The following USH2A variants were observed in gnomAD, a reference collection of about 807,000 sequenced individuals.
USH2A encodes usherin, also known as Usher syndrome 2A (autosomal recessive, mild).
In USH2A, 443 loss-of-function variants were observed where a neutral mutation model predicts 538.9. The observed-to-expected ratio is 0.82, with a 90% CI of 0.76 to 0.89. USH2A has a LOEUF of 0.89. Ranked by LOEUF, USH2A falls within the 40% of genes least tolerant of loss-of-function variation. The pLI is 0.00. For missense variants in USH2A, 6,633 were observed against 6,324.8 expected (o/e 1.05, Z -1.65); for synonymous variants, 2,413 against 2,273.5 (o/e 1.06, Z -1.75).
intron 61 of USH2A, among the ~76,000 whole-genome samples, chr1:215,720,327 G>A (rs1363002361): frequency 6.6e-6 from 1 of 152,194 alleles, no homozygotes; most frequent in Non-Finnish European, 1.5e-5. Context: ...TGGGAGTGTT[G>A]CCAGAAAAGT....
chr1:215,691,093 A>G (rs778595264), intron 61 of USH2A, among the ~76,000 whole-genome samples: 7 of 152,166 alleles, frequency 4.6e-5, no homozygotes, highest in Non-Finnish European at 1.0e-4. Flanking sequence ...CATATTGGCC[A>G]GGCTGGTCTC....
intron 4 of USH2A, among the ~76,000 whole-genome samples, chr1:216,339,559 G>A (rs913914665): frequency 1.3e-5 from 2 of 151,304 alleles, no homozygotes; most frequent in African/African-American, 2.4e-5. Context: ...CTATTACCTG[G>A]AAAAATCACT....
In USH2A at chr1:216,325,415, CAAAAG is replaced by C; in HGVS notation, c.1028_1032del (p.Ser343CysfsTer3). On this transcript the variant is annotated frameshift_variant, in exon 6 of 72. Coordinates refer to ENST00000307340, the MANE Select transcript of USH2A (RefSeq NM_206933.4). LOFTEE classifies it high-confidence loss of function. ...GAAGTACCAACATCATTATCATTGA[CAAAAG>C]AGAGAGGATGGGCTTCAGGATTCAA... is the stretch of plus-strand genomic sequence containing the variant. 6.2e-7 allele frequency: 1 copy of C among 1,613,860 alleles called. No individual in the cohort carries two copies. Among genetic ancestry groups the C allele is most frequent in the Non-Finnish European group, 8.5e-7 (1 of 1,179,898 alleles).
intron 13 of USH2A, among the ~76,000 whole-genome samples, chr1:216,242,134 G>A (rs929260122): frequency 1.3e-5 from 2 of 150,940 alleles, no homozygotes; most frequent in Admixed American, 6.6e-5. Flanking sequence ...GGCAGATCAC[G>A]AAGTCAGGAG....
At chr1:215,953,130 C>T (rs1666965992) in intron 37 of USH2A, among the ~76,000 whole-genome samples, 1 of 152,032 alleles carries the variant, frequency 6.6e-6, no homozygotes, top group African/African-American at 2.4e-5. Flanking sequence ...GTGAAAATGG[C>T]CATACTGCCC....
At chr1:216,164,648 A>G (rs527996762) in intron 21 of USH2A, among the ~76,000 whole-genome samples, 10 of 152,168 alleles carry the variant, frequency 6.6e-5, no homozygotes, top group Non-Finnish European at 1.2e-4. Context: ...GAAGAAAGGT[A>G]ACAATGACAA....
intron 22 of USH2A, among the ~76,000 whole-genome samples, chr1:216,091,304 AT>A (rs1328324788): frequency 2.0e-5 from 3 of 152,176 alleles, no homozygotes; most frequent in South Asian, 4.1e-4. Flanking sequence ...TATGATGTGA[AT>A]TTCCTGTTAA....
intron 11 of USH2A, among the ~76,000 whole-genome samples, chr1:216,267,517 G>A (rs941124936): frequency 1.3e-5 from 2 of 152,098 alleles, no homozygotes; most frequent in African/African-American, 4.8e-5. Flanking sequence ...AAGATGAAAT[G>A]AATGCTAGAG....
chr1:215,674,011 TAG>T (rs951103953), intron 63 of USH2A, 87 bp downstream of exon 63: 1 of 1,611,214 alleles, frequency 6.2e-7, no homozygotes, highest in Non-Finnish European at 8.5e-7. Context: ...ATCCCATTTT[TAG>T]AGTCTTCATT....
At chr1:216,386,866 A>G (rs958358098) in intron 3 of USH2A, among the ~76,000 whole-genome samples, 1 of 152,224 alleles carries the variant, frequency 6.6e-6, no homozygotes, top group East Asian at 1.9e-4. Flanking sequence ...ATGAGAAAAA[A>G]ATAATAATAA....
At position 215,654,174 on chromosome 1, in the gene USH2A, T is replaced by G. The variant is rs543612998; in HGVS notation, c.14134-3373A>C. Reference sequence around the variant, plus strand: ...AGTGTTTAGACTGAACATATATATATTTTTTTATTATTGTACTTTAAGTTC... The same window carrying G: ...AGTGTTTAGACTGAACATATATATAGTTTTTTATTATTGTACTTTAAGTTC... On this transcript the variant is annotated intron_variant, in intron 64 of 71. Transcript: ENST00000307340. 1.3e-5 allele frequency among the ~76,000 whole-genome samples: 2 copies of G among 152,280 alleles called. 1 individual carries two copies. Among genetic ancestry groups the G allele is most frequent in the South Asian group, 4.1e-4 (2 of 4,820 alleles).
In USH2A at chr1:215,753,374, C is replaced by T. The variant is rs542019702; in HGVS notation, c.11389+5221G>A. On this transcript the variant is annotated intron_variant, in intron 58 of 71. Transcript: ENST00000307340. Reference sequence around the variant, plus strand: ...GACACACGCACATGTATGTTTATTGCGGCACTATTCACAATAGCAAAGACT... The same window carrying T: ...GACACACGCACATGTATGTTTATTGTGGCACTATTCACAATAGCAAAGACT... Among the ~76,000 whole-genome samples, 158 of 151,830 alleles carry T rather than the reference C, an allele frequency of 1.0e-3. 1 individual carries two copies. The highest frequency in any genetic ancestry group is 3.1e-3 in the South Asian group (15 of 4,808).
chr1:216,398,278 C>A (rs949497497), intron 3 of USH2A, among the ~76,000 whole-genome samples: 1 of 151,816 alleles, frequency 6.6e-6, no homozygotes, highest in African/African-American at 2.4e-5. Flanking sequence ...GATGACTTTG[C>A]GAAGTAGGTA....
intron 14 of USH2A, among the ~76,000 whole-genome samples, chr1:216,231,675 G>C (rs1350523530): frequency 6.6e-6 from 1 of 151,854 alleles, no homozygotes; most frequent in Non-Finnish European, 1.5e-5. Flanking sequence ...AGACTTCTGA[G>C]TAGTTGGGAC....
At position 216,421,922 on chromosome 1, in the gene USH2A, G is replaced by A; in HGVS notation, c.415C>T (p.Pro139Ser). The A allele has an allele frequency of 6.2e-7, 1 of 1,613,898 alleles. No individual in the cohort carries two copies. The highest frequency in any genetic ancestry group is 1.7e-4 in the Middle Eastern group (1 of 6,058). The change falls in exon 2 of 72, where the codon CCT (proline) becomes TCT (serine). Residue 139 changes from proline to serine, a missense_variant. Transcript: ENST00000307340. ...GATGCCATCAGCTTTGGAGAAGGAG[G>A]AGAAGAAAAGCAGCTCTTGTGATTT... ...FGNHKSCFSS[P>S]PSPKLMASFT...
At chr1:215,803,691 G>A (rs59339076) in intron 49 of USH2A, among the ~76,000 whole-genome samples, 2,346 of 152,180 alleles carry the variant, frequency 0.015, 54 homozygotes, top group African/African-American at 0.053. Context: ...TCAATATCAC[G>A]AAAATGGCCA....
At chr1:216,058,064 C>T (rs914765970) in intron 30 of USH2A, among the ~76,000 whole-genome samples, 1 of 152,112 alleles carries the variant, frequency 6.6e-6, no homozygotes, top group Non-Finnish European at 1.5e-5. Flanking sequence ...ATTATTTCTT[C>T]CTGTTGGGTG....
intron 22 of USH2A, among the ~76,000 whole-genome samples, chr1:216,096,443 C>G (rs1015707588): frequency 5.9e-5 from 9 of 152,174 alleles, no homozygotes; most frequent in African/African-American, 2.2e-4. Context: ...CTTGTCCTGA[C>G]CAACTTTTCT....
Position 215,900,850 on chromosome 1 carries a change from C to G in USH2A, c.7356G>C (p.Gln2452His), listed in dbSNP as rs1440336117. Residue 2452 changes from glutamine (Q) to histidine (H), a missense_variant, in exon 39 of 72, where the codon CAG (glutamine) becomes CAC (histidine). By Grantham distance (24) the Gln-to-His change is conservative (BLOSUM62 0). Transcript: ENST00000307340. ...RLSSATPTSL[Q>H]VVWSTPARNN... ...TACGAGCTGGTGTAGACCAGACAAC[C>G]TGAAGACTGGTTGGAGTGGCAGATG... 1.9e-6 allele frequency: 3 copies of G among 1,613,730 alleles called. No homozygotes were observed. The highest frequency in any genetic ancestry group is 1.7e-6 in the Non-Finnish European group (2 of 1,179,784).
Sources: allele counts gnomAD v4.1 joint callset (sites outside exome capture counted in the v4.1 genomes callset), GRCh38; gene constraint gnomAD v4.1.1; transcripts MANE v1.5; gene names NCBI Gene and HGNC (gene_info 2026-07-23, HGNC 2026-07-21).